The following POLK variants were observed in gnomAD, a reference collection of about 807,000 sequenced individuals.
The protein encoded by POLK is DNA polymerase kappa.
A neutral mutation model predicts 94.0 loss-of-function variants in POLK; 76 were observed. The observed-to-expected ratio is 0.81, with a 90% CI of 0.67 to 0.98. The LOEUF is 0.98. Ranked by LOEUF, POLK falls within the 50% of genes least tolerant of loss-of-function variation. POLK has a pLI of 0.00. For missense variants in POLK, 954 were observed against 1,010.1 expected, an observed-to-expected ratio of 0.94 and a Z score of 0.75; for synonymous variants, 349 against 325.4, an observed-to-expected ratio of 1.07 and a Z score of -0.78.
At chr5:75,597,081 G>T in exon 13 of POLK, 1 of 1,612,960 alleles carries the variant, frequency 6.2e-7, no homozygotes, top group Non-Finnish European at 8.5e-7. Context: ...TGTTCAATGT[G>T]CATGTGGATG....
At chr5:75,584,481 C>G (rs542202052) in intron 8 of POLK, among the ~76,000 whole-genome samples, 1 of 151,896 alleles carries the variant, frequency 6.6e-6, no homozygotes, top group African/African-American at 2.4e-5. Flanking sequence ...CCAGCCTGAC[C>G]AATAAGAAGA....
chr5:75,597,111 T>A (rs1773134081), exon 13 of POLK: 1 of 1,612,820 alleles, frequency 6.2e-7, no homozygotes, highest in Admixed American at 1.7e-5. Context: ...ATAAAAGTTT[T>A]ATCCAAGAAT....
downstream of POLK, among the ~76,000 whole-genome samples, chr5:75,603,169 C>A (rs188481176): frequency 6.6e-5 from 10 of 152,264 alleles, no homozygotes; most frequent in East Asian, 1.5e-3. Flanking sequence ...GTTTACTACT[C>A]CTTACTTTTT....
exon 15 of POLK, chr5:75,600,595 T>A (rs1030812652): frequency 6.6e-6 from 1 of 152,042 alleles, no homozygotes. Flanking sequence ...AAGAAAAAAA[T>A]TTTTTAATGT....
chr5:75,581,978 T>C (rs5744672), intron 7 of POLK: 411,307 of 976,362 alleles, frequency 0.42, 94,384 homozygotes, highest in African/African-American at 0.88. Flanking sequence ...CGCGCCCGAC[T>C]CATAAATTTC....
chr5:75,547,668 G>C (rs777027877), intron 2 of POLK, among the ~76,000 whole-genome samples: 1 of 152,108 alleles, frequency 6.6e-6, no homozygotes, highest in South Asian at 2.1e-4. Flanking sequence ...GTATAACTGT[G>C]GAAGAGATTC....
In POLK at chr5:75,552,466, C is replaced by G; in HGVS notation, c.136-6C>G. 6.2e-7 allele frequency: 1 copy of G among 1,609,698 alleles called. No individual in the cohort carries two copies. Among genetic ancestry groups the G allele is most frequent in the Non-Finnish European group, 8.5e-7 (1 of 1,178,306 alleles). ...TTCTTATGCTTTGTTTTGTTTTCCT[C>G]CATAGGGGTCCAGATTTTATGGAAA... On this transcript the variant is annotated splice_region_variant and splice_polypyrimidine_tract_variant and intron_variant, in intron 2 of 14. Coordinates refer to ENST00000241436, the Ensembl canonical transcript of POLK.
chr5:75,518,401 G>C (rs1039664179), intron 1 of POLK, among the ~76,000 whole-genome samples: 8 of 152,038 alleles, frequency 5.3e-5, no homozygotes, highest in African/African-American at 1.7e-4. Flanking sequence ...ATTTCTTCTA[G>C]CTATTCCAAT....
intron 11 of POLK, 168 bp downstream of exon 11, chr5:75,590,608 C>A: frequency 1.8e-6 from 1 of 570,868 alleles, no homozygotes; most frequent in South Asian, 2.4e-5. Context: ...CAATTCTGAC[C>A]CATATCTGGA....
chr5:75,513,778 C>T (rs1022401334), intron 1 of POLK, among the ~76,000 whole-genome samples: 2 of 152,094 alleles, frequency 1.3e-5, no homozygotes, highest in African/African-American at 4.8e-5. Flanking sequence ...TACGGTACAC[C>T]AATGAACAGT....
chr5:75,565,578 C>T (rs1321403750), intron 3 of POLK, among the ~76,000 whole-genome samples: 1 of 151,996 alleles, frequency 6.6e-6, no homozygotes, highest in African/African-American at 2.4e-5. Flanking sequence ...CGTGGTTATC[C>T]TCTTTGTTGA....
chr5:75,561,542 T>G (rs1304040600), intron 3 of POLK, among the ~76,000 whole-genome samples: 1 of 152,256 alleles, frequency 6.6e-6, no homozygotes, highest in Non-Finnish European at 1.5e-5. Context: ...TGGCTTTTGT[T>G]GCAATTGCTT....
At chr5:75,546,041 A>G (rs1205496116) in intron 1 of POLK, among the ~76,000 whole-genome samples, 1 of 152,210 alleles carries the variant, frequency 6.6e-6, no homozygotes, top group African/African-American at 2.4e-5. Context: ...GTGATAGTAC[A>G]GATGACCTTT....
chr5:75,581,104 A>C (rs2112818309), intron 6 of POLK, 105 bp from the exon 7 acceptor site: 2 of 724,542 alleles, frequency 2.8e-6, no homozygotes, highest in Non-Finnish European at 4.5e-6. Context: ...AACTAAACTA[A>C]ACTAGATTTT....
chr5:75,584,279 C>G (rs1475252514), intron 8 of POLK, among the ~76,000 whole-genome samples: 1 of 152,142 alleles, frequency 6.6e-6, no homozygotes, highest in Non-Finnish European at 1.5e-5. Context: ...CAACAGCACT[C>G]CTTTTTTAAT....
chr5:75,538,131 C>T (rs1436857785), intron 1 of POLK, among the ~76,000 whole-genome samples: 1 of 152,202 alleles, frequency 6.6e-6, no homozygotes, highest in Non-Finnish European at 1.5e-5. Context: ...GCTGAGATTA[C>T]AGGCTTGAGC....
chr5:75,511,334 GAGCA>G, upstream of POLK: 3 of 1,546,024 alleles, frequency 1.9e-6, no homozygotes, highest in Non-Finnish European at 1.7e-6. Flanking sequence ...GTGTGGGGGG[GAGCA>G]GGAGGAGGGA....
exon 11 of POLK, chr5:75,590,387 T>C (rs1278597143): frequency 1.2e-6 from 2 of 1,610,338 alleles, no homozygotes. Context: ...ATACAGCCTA[T>C]GTCAAGAACT....
intron 1 of POLK, among the ~76,000 whole-genome samples, chr5:75,514,891 T>G (rs1768249681): frequency 2.0e-5 from 3 of 152,084 alleles, no homozygotes; most frequent in Admixed American, 2.0e-4. Context: ...CAAAAAACTA[T>G]TATCCCAAAT....
Sources: allele counts gnomAD v4.1 joint callset (sites outside exome capture counted in the v4.1 genomes callset), GRCh38; gene constraint gnomAD v4.1.1; transcripts MANE v1.5; gene names NCBI Gene and HGNC (gene_info 2026-07-23, HGNC 2026-07-21).